Variants in OTUD7A observed in about 807,000 individuals in gnomAD.
OTUD7A encodes the protein OTU deubiquitinase 7A.
A neutral mutation model predicts 65.7 loss-of-function variants in OTUD7A; 12 were observed. The observed-to-expected ratio is 0.18, with a 90% confidence interval of 0.12 to 0.30. OTUD7A has a LOEUF of 0.30. OTUD7A is among the 10% of genes least tolerant of loss of function. OTUD7A has a pLI of 1.00. For missense variants in OTUD7A, 1,148 were observed against 1,304.8 expected (o/e 0.88, Z 1.85); for synonymous variants, 641 against 586.3 (o/e 1.09, Z -1.35).
At chr15:31,591,190 G>A (rs1002633624) in intron 3 of OTUD7A, among the ~76,000 whole-genome samples, 1 of 152,034 alleles carries the variant, frequency 6.6e-6, no homozygotes, top group African/African-American at 2.4e-5. Context: ...TCTGCATAGA[G>A]GTGTTGGGAG....
intron 1 of OTUD7A, among the ~76,000 whole-genome samples, chr15:31,701,645 A>T (rs960656802): frequency 2.0e-5 from 3 of 150,554 alleles, no homozygotes; most frequent in African/African-American, 7.3e-5. Context: ...ACTATGGAAA[A>T]TTAAATTCAG....
chr15:31,832,885 T>C (rs966509186), intron 1 of OTUD7A, among the ~76,000 whole-genome samples: 8 of 152,246 alleles, frequency 5.3e-5, no homozygotes, highest in Admixed American at 3.9e-4. Flanking sequence ...TTTTTGCTAC[T>C]GCTGCTATAA....
At chr15:31,855,193 A>G (rs1897537191) in intron 1 of OTUD7A, among the ~76,000 whole-genome samples, 1 of 152,254 alleles carries the variant, frequency 6.6e-6, no homozygotes, top group Non-Finnish European at 1.5e-5. Flanking sequence ...AAAGTGATAC[A>G]GCAATACCAG....
rs140685592 is a variant in OTUD7A, at chr15:31,522,420, C to T, written c.893+3929G>A. ...GCTCTTGGGCCTTCGTGTTACACCA[C>T]TGGCTTTCCTGGGTCTCCAGCTGGC... On this transcript the variant is annotated intron_variant, in intron 8 of 12. Coordinates refer to ENST00000307050, the MANE Select transcript of OTUD7A (RefSeq NM_001382637.1). Among the ~76,000 whole-genome samples, 16 of 152,386 alleles carry T rather than the reference C, an allele frequency of 1.0e-4. No individual in the cohort carries two copies. The East Asian group carries it at 2.5e-3, about 24-fold the overall frequency.
chr15:31,851,737 A>G (rs1319836865), intron 1 of OTUD7A, among the ~76,000 whole-genome samples: 1 of 152,238 alleles, frequency 6.6e-6, no homozygotes, highest in Non-Finnish European at 1.5e-5. Context: ...GCCAGAGTTC[A>G]CCAGTTACAC....
intron 5 of OTUD7A, among the ~76,000 whole-genome samples, chr15:31,540,385 T>C (rs1887949781): frequency 6.6e-6 from 1 of 152,198 alleles, no homozygotes; most frequent in Non-Finnish European, 1.5e-5. Flanking sequence ...TTGGAACACC[T>C]ACCCTTGCAG....
At chr15:31,670,641 A>T (rs1186224078) in intron 1 of OTUD7A, among the ~76,000 whole-genome samples, 1 of 152,146 alleles carries the variant, frequency 6.6e-6, no homozygotes, top group Non-Finnish European at 1.5e-5. Flanking sequence ...TCTTTCTTGT[A>T]AATTTGTTCC....
At chr15:31,537,483 A>G (rs537990941) in intron 5 of OTUD7A, among the ~76,000 whole-genome samples, 2 of 152,348 alleles carry the variant, frequency 1.3e-5, no homozygotes, top group South Asian at 4.1e-4. Context: ...GCTAAATGAG[A>G]AATGCAAGTA....
At chr15:31,864,694 T>C (rs1370302174) in intron 1 of OTUD7A, among the ~76,000 whole-genome samples, 1 of 151,896 alleles carries the variant, frequency 6.6e-6, no homozygotes, top group African/African-American at 2.4e-5. Flanking sequence ...GGCTAATGAC[T>C]TTTAACTCCA....
In OTUD7A at chr15:31,575,870, C is replaced by T. The variant is rs1002683963; in HGVS notation, c.152-5673G>A. Among the ~76,000 whole-genome samples, 7 of 152,194 alleles carry T rather than the reference C, an allele frequency of 4.6e-5. No individual in the cohort carries two copies. The East Asian group carries it at 5.8e-4, about 13-fold the overall frequency. The stretch of plus-strand genomic sequence containing the variant: ...GTGAAGGGCATTAGTGCTGAATACA[C>T]GGGATGTGAAATGAACACACATAAA... On this transcript the variant is annotated intron_variant, in intron 3 of 12. Transcript: ENST00000307050.
chr15:31,481,153 T>C lies in OTUD7A; in HGVS notation c.*2141A>G, dbSNP rs927688471. 6.6e-6 allele frequency: 1 copy of C among 152,182 alleles called. No individual in the cohort carries two copies. Among genetic ancestry groups the C allele is most frequent in the Non-Finnish European group, 1.5e-5 (1 of 68,044 alleles). The allele number at this position is 152,182 out of a possible 1,614,324, so 9.4% of individuals were successfully genotyped here. A position where few individuals can be genotyped will look rare whatever the true frequency, so the allele number is the denominator to read the frequency against. On this transcript the variant is annotated 3_prime_UTR_variant, in exon 13 of 13. Transcript: ENST00000307050. ...CATAGCCAGTTTTAGAAATTTCTGG[T>C]TGGCTGTTTTTACATTAAGAAATGA... is the stretch of plus-strand genomic sequence containing the variant.
chr15:31,688,695 CATG>C (rs1314440340), intron 1 of OTUD7A, among the ~76,000 whole-genome samples: 1 of 152,142 alleles, frequency 6.6e-6, no homozygotes, highest in Non-Finnish European at 1.5e-5. Flanking sequence ...CAGAGTGTCT[CATG>C]ATGTCAGCAA....
At chr15:31,652,999 C>T (rs879347902) in intron 3 of OTUD7A, among the ~76,000 whole-genome samples, 2 of 152,052 alleles carry the variant, frequency 1.3e-5, no homozygotes, top group Non-Finnish European at 2.9e-5. Context: ...ACCTATAATC[C>T]CAGCCCTTTG....
In OTUD7A at chr15:31,545,820, TA is replaced by T. The variant is rs748960925; in HGVS notation, c.550+13148del. On this transcript the variant is annotated intron_variant, in intron 5 of 12. Transcript: ENST00000307050. The stretch of plus-strand genomic sequence containing the variant: ...TCTGGAAAACTATTTGGACAACTGT[TA>T]TAATGCTGAACATATGTAAATCCTA... Among the ~76,000 whole-genome samples the T allele has an allele frequency of 5.3e-5, 8 of 152,302 alleles. No homozygotes were observed. The East Asian group carries it at 1.5e-3, about 29-fold the overall frequency.
chr15:31,860,671 A>ATG (rs375154579), intron 1 of OTUD7A, among the ~76,000 whole-genome samples: 1,889 of 38,542 alleles, frequency 0.049, 176 homozygotes, highest in African/African-American at 0.11. Flanking sequence ...ATATAGATGT[A>ATG]TGTGTGTATA....
chr15:31,678,088 C>T (rs1006991136), intron 1 of OTUD7A, among the ~76,000 whole-genome samples: 1 of 152,156 alleles, frequency 6.6e-6, no homozygotes, highest in African/African-American at 2.4e-5. Flanking sequence ...GCATTTTGCC[C>T]CTGCCCTAGG....
intron 1 of OTUD7A, among the ~76,000 whole-genome samples, chr15:31,798,715 T>C (rs1310019575): frequency 6.6e-6 from 1 of 152,132 alleles, no homozygotes; most frequent in Non-Finnish European, 1.5e-5. Flanking sequence ...AGCTGACCCT[T>C]ATAACAGAGC....
chr15:31,618,039 T>C (rs1890650125), intron 3 of OTUD7A, among the ~76,000 whole-genome samples: 2 of 152,130 alleles, frequency 1.3e-5, no homozygotes, highest in Non-Finnish European at 2.9e-5. Context: ...TTTGGTTTTT[T>C]GTTCTTGTGA....
At chr15:31,710,057 G>T (rs925584062) in intron 1 of OTUD7A, among the ~76,000 whole-genome samples, 1 of 152,178 alleles carries the variant, frequency 6.6e-6, no homozygotes, top group African/African-American at 2.4e-5. Context: ...AGTGGGAAAA[G>T]AATACGACAA....
Sources: allele counts gnomAD v4.1 joint callset (sites outside exome capture counted in the v4.1 genomes callset), GRCh38; gene constraint gnomAD v4.1.1; transcripts MANE v1.5; gene names NCBI Gene and HGNC (gene_info 2026-07-23, HGNC 2026-07-21).